The following PLB1 variants were observed in gnomAD, a reference collection of about 807,000 sequenced individuals.
PLB1 encodes phospholipase B1, membrane-associated.
Under a neutral mutation model 227.4 loss-of-function variants are expected in PLB1, and 242 were observed. The ratio of observed to expected loss-of-function variants is 1.06; its 90% CI spans 0.96 to 1.18. PLB1 has a LOEUF of 1.18. Ranked by LOEUF, PLB1 falls within the 50% of genes most tolerant of loss-of-function variation. The pLI, the probability that PLB1 is intolerant of heterozygous loss-of-function variation, is 0.00. For missense variants in PLB1, 1,858 were observed against 1,816.3 expected, an observed-to-expected ratio of 1.02 and a Z score of -0.42; for synonymous variants, 757 against 682.2, an observed-to-expected ratio of 1.11 and a Z score of -1.71.
Position 28,509,853 on chromosome 2 carries a change from T to C in PLB1, c.56-6955T>C, listed in dbSNP as rs373289594. ...TCTTCCACAGCACCTTGGGGTACTG[T>C]GGGAACAGGCACTGTACCTGGTGAA... On this transcript the variant is annotated intron_variant, in intron 1 of 57. Coordinates refer to ENST00000327757, the MANE Select transcript of PLB1 (RefSeq NM_153021.5). 3.9e-5 allele frequency among the ~76,000 whole-genome samples: 6 copies of C among 152,292 alleles called. No individual in the cohort carries two copies. The East Asian group carries it at 1.2e-3, about 29-fold the overall frequency.
intron 44 of PLB1, 31 bp downstream of exon 44, chr2:28,614,127 GAC>G (rs754731943): frequency 1.5e-5 from 24 of 1,577,522 alleles, no homozygotes; most frequent in Non-Finnish European, 2.1e-5. Flanking sequence ...GCCTCTCTCA[GAC>G]ACAAACCATT....
intron 1 of PLB1, among the ~76,000 whole-genome samples, chr2:28,499,917 G>A (rs1278200849): frequency 2.6e-5 from 4 of 152,096 alleles, no homozygotes; most frequent in Non-Finnish European, 5.9e-5. Context: ...TTTCTCATCA[G>A]TAATTGTGCT....
intron 25 of PLB1, among the ~76,000 whole-genome samples, chr2:28,584,683 G>C (rs946344660): frequency 6.6e-6 from 1 of 152,186 alleles, no homozygotes; most frequent in African/African-American, 2.4e-5. Flanking sequence ...TGCACTCCCC[G>C]CCTCTCCACT....
chr2:28,533,045 G>A (rs1481178933), intron 9 of PLB1, among the ~76,000 whole-genome samples: 6 of 152,120 alleles, frequency 3.9e-5, no homozygotes, highest in Non-Finnish European at 8.8e-5. Flanking sequence ...TGCCACTTGT[G>A]GGACCAGCTT....
chr2:28,588,106 C>CA (rs61236397), intron 26 of PLB1, among the ~76,000 whole-genome samples: 61,016 of 151,852 alleles, frequency 0.4, 13,112 homozygotes, highest in African/African-American at 0.56. Context: ...CTACGGCTCT[C>CA]TCACTCTCCC....
intron 51 of PLB1, among the ~76,000 whole-genome samples, chr2:28,627,115 G>GA (rs1558951966): frequency 1.3e-5 from 2 of 152,160 alleles, no homozygotes; most frequent in African/African-American, 4.8e-5. Flanking sequence ...GATTGTGGTC[G>GA]AATGTTTGAC....
intron 44 of PLB1, among the ~76,000 whole-genome samples, chr2:28,615,710 A>G (rs967438944): frequency 2.0e-5 from 3 of 152,166 alleles, no homozygotes; most frequent in African/African-American, 7.2e-5. Context: ...TCATTTACCT[A>G]TTGGATGCCT....
At chr2:28,550,241 C>T (rs1438930999) in intron 16 of PLB1, among the ~76,000 whole-genome samples, 157 bp downstream of exon 16, 7 of 150,436 alleles carry the variant, frequency 4.7e-5, no homozygotes, top group Admixed American at 2.0e-4. Flanking sequence ...GGTGCCATCT[C>T]GGCTCACTGC....
At position 28,606,489 on chromosome 2, in the gene PLB1, T is replaced by C; in HGVS notation, c.3058-7T>C. 1.2e-6 allele frequency: 2 copies of C among 1,613,688 alleles called. No homozygotes were observed. The highest frequency in any genetic ancestry group is 2.2e-5 in the South Asian group (2 of 91,072). Reference sequence around the variant, plus strand: ...ACACCCGTGTCTCTCTTTTCTTCCCTGATCAGCTTGAACCACTTGGAAGCA... The same window carrying C: ...ACACCCGTGTCTCTCTTTTCTTCCCCGATCAGCTTGAACCACTTGGAAGCA... On this transcript the variant is annotated splice_polypyrimidine_tract_variant and splice_region_variant and intron_variant, in intron 42 of 57. Coordinates refer to ENST00000327757, the MANE Select transcript of PLB1 (RefSeq NM_153021.5).
At chr2:28,506,979 G>T (rs1027522855) in intron 1 of PLB1, among the ~76,000 whole-genome samples, 4 of 152,142 alleles carry the variant, frequency 2.6e-5, no homozygotes, top group African/African-American at 4.8e-5. Flanking sequence ...CCTTCCTGAC[G>T]GTCTCCCTTC....
At chr2:28,538,192 G>T in intron 9 of PLB1, 127 bp from the exon 10 acceptor site, 2 of 1,065,202 alleles carry the variant, frequency 1.9e-6, no homozygotes, top group Admixed American at 1.9e-5. Flanking sequence ...TTTGTGGAAT[G>T]CCAGGTCTAG....
At chr2:28,528,246 C>T (rs908169391) in intron 6 of PLB1, among the ~76,000 whole-genome samples, 5 of 152,176 alleles carry the variant, frequency 3.3e-5, no homozygotes, top group African/African-American at 1.2e-4. Context: ...CTGGATTCTG[C>T]TCCCAGGAAG....
chr2:28,541,285 C>T (rs1672449441), intron 12 of PLB1, among the ~76,000 whole-genome samples: 1 of 152,224 alleles, frequency 6.6e-6, no homozygotes, highest in African/African-American at 2.4e-5. Context: ...CATGTGTTAA[C>T]ATGATGACTT....
intron 7 of PLB1, 134 bp downstream of exon 7, chr2:28,529,541 C>T (rs928925760): frequency 7.5e-6 from 7 of 938,550 alleles, no homozygotes; most frequent in Admixed American, 2.5e-5. Context: ...GCCCAAATGC[C>T]CCCTCAAGCT....
chr2:28,589,598 T>C, intron 27 of PLB1, 44 bp downstream of exon 27: 1 of 1,609,260 alleles, frequency 6.2e-7, no homozygotes, highest in Non-Finnish European at 8.5e-7. Context: ...CCACAGATAG[T>C]GTGTGGCTGT....
At chr2:28,615,956 AGTG>A (rs1432317840) in intron 44 of PLB1, among the ~76,000 whole-genome samples, 1 of 152,270 alleles carries the variant, frequency 6.6e-6, no homozygotes, top group Non-Finnish European at 1.5e-5. Flanking sequence ...CATTACGTTA[AGTG>A]AAATAAGTCA....
rs909629760 is a variant in PLB1, at chr2:28,582,637, G to A, written c.1733+132G>A. 2.9e-5 allele frequency: 20 copies of A among 697,414 alleles called. No individual in the cohort carries two copies. In the African/African-American group the frequency reaches 3.2e-4, roughly 11 times the overall value. 43.2% of individuals were successfully genotyped at this position (697,414 alleles called of 1,614,324 possible). ...CTGTGACCACCCCATCTTCTAACCT[G>A]GAAAAGCCTAAGGGGAGGATATCCT... On this transcript the variant is annotated intron_variant, in intron 25 of 57. Coordinates refer to ENST00000327757, the MANE Select transcript of PLB1 (RefSeq NM_153021.5).
rs377404869 is a variant in PLB1, at chr2:28,548,977, G to A, written c.1008+46G>A. On this transcript the variant is annotated intron_variant, in intron 15 of 57. Coordinates refer to ENST00000327757, the MANE Select transcript of PLB1 (RefSeq NM_153021.5). ...GAGGGACTCTTATTGAATCGAGGGCGCAGGTGGGGTGGCCAAGTGGGCTTT... is the reference window on the plus strand; with the variant it reads ...GAGGGACTCTTATTGAATCGAGGGCACAGGTGGGGTGGCCAAGTGGGCTTT... The A allele has an allele frequency of 5.8e-4, 920 of 1,583,818 alleles. 2 individuals are homozygous for A. Among genetic ancestry groups the A allele is most frequent in the South Asian group, 1.4e-3 (129 of 89,906 alleles).
intron 23 of PLB1, among the ~76,000 whole-genome samples, chr2:28,581,015 G>A (rs1307042935): frequency 6.6e-6 from 1 of 151,974 alleles, no homozygotes; most frequent in East Asian, 1.9e-4. Context: ...GGAGCCTTGG[G>A]GCTGCTGGTA....
Sources: allele counts gnomAD v4.1 joint callset (sites outside exome capture counted in the v4.1 genomes callset), GRCh38; gene constraint gnomAD v4.1.1; transcripts MANE v1.5; gene names NCBI Gene and HGNC (gene_info 2026-07-23, HGNC 2026-07-21).